C12orf56: variants seen among roughly 807,000 people sequenced by gnomAD.
The protein encoded by C12orf56 is uncharacterized protein C12orf56.
In C12orf56, 71 loss-of-function variants were observed where a neutral mutation model predicts 69.9. That is an observed-to-expected ratio of 1.02 (90% CI 0.84 to 1.24). The LOEUF is 1.24. C12orf56 is among the 50% of genes most tolerant of loss of function. C12orf56 has a pLI of 0.00. For synonymous variants in C12orf56, 276 were observed against 274.1 expected (o/e 1.01, Z -0.07); for missense variants, 732 against 738.5 (o/e 0.99, Z 0.10).
intron 11 of C12orf56, among the ~76,000 whole-genome samples, chr12:64,272,645 C>T (rs1310464670): frequency 6.6e-6 from 1 of 151,156 alleles, no homozygotes; most frequent in African/African-American, 2.4e-5. Context: ...CAGATTTCCA[C>T]ACATCAGTCC....
intron 3 of C12orf56, among the ~76,000 whole-genome samples, chr12:64,322,484 ATACT>A (rs2038785849): frequency 6.6e-6 from 1 of 152,028 alleles, no homozygotes; most frequent in Non-Finnish European, 1.5e-5. Flanking sequence ...AAAGGGGTTC[ATACT>A]TACTTCTTAG....
chr12:64,321,261 T>A (rs1565755203), intron 3 of C12orf56, among the ~76,000 whole-genome samples: 1 of 152,214 alleles, frequency 6.6e-6, no homozygotes, highest in Non-Finnish European at 1.5e-5. Flanking sequence ...TTTATTTCAA[T>A]AATTTTGAGG....
intron 1 of C12orf56, among the ~76,000 whole-genome samples, chr12:64,366,317 TTTA>T (rs1269123208): frequency 6.1e-5 from 5 of 81,620 alleles, no homozygotes; most frequent in Non-Finnish European, 8.7e-5. Flanking sequence ...TTATATACAG[TTTA>T]TTATATATTA....
chr12:64,365,695 A>G (rs1170063170), intron 1 of C12orf56, among the ~76,000 whole-genome samples: 1 of 145,474 alleles, frequency 6.9e-6, no homozygotes, highest in Admixed American at 7.2e-5. Flanking sequence ...ATATTCTATT[A>G]TATAATACAA....
chr12:64,384,073 C>T (rs1042761062), intron 1 of C12orf56, among the ~76,000 whole-genome samples: 4 of 152,196 alleles, frequency 2.6e-5, no homozygotes, highest in African/African-American at 4.8e-5. Context: ...ATGATCTCAA[C>T]TGATCTTCAT....
chr12:64,390,643 C>CCG lies in C12orf56; in HGVS notation c.-80_-79dup. The CCG allele has an allele frequency of 3.6e-6, 5 of 1,379,524 alleles. No individual in the cohort carries two copies. Among genetic ancestry groups the CCG allele is most frequent in the Non-Finnish European group, 4.7e-6 (5 of 1,074,934 alleles). 85.5% of individuals were successfully genotyped at this position (1,379,524 alleles called of 1,614,324 possible). On this transcript the variant is annotated 5_prime_UTR_variant, in exon 1 of 13. Transcript: ENST00000543942. ...CCTCTCCCCGCCCCCGCGCTGGAAC[C>CCG]CGCGCGCCACAAAGCCGCCGGCCAC...
intron 1 of C12orf56, among the ~76,000 whole-genome samples, chr12:64,353,708 GTC>G (rs776703358): frequency 2.0e-4 from 31 of 152,214 alleles, no homozygotes; most frequent in Admixed American, 4.6e-4. Flanking sequence ...TTGAGATGGA[GTC>G]TCTCTCTGTC....
intron 6 of C12orf56, among the ~76,000 whole-genome samples, chr12:64,293,957 T>TAG (rs1289933276): frequency 1.3e-5 from 2 of 152,200 alleles, no homozygotes; most frequent in Admixed American, 6.5e-5. Flanking sequence ...GTTACATGAA[T>TAG]AGAGACATTT....
At chr12:64,298,991 G>A (rs926708235) in intron 6 of C12orf56, among the ~76,000 whole-genome samples, 4 of 152,214 alleles carry the variant, frequency 2.6e-5, no homozygotes, top group East Asian at 1.9e-4. Context: ...CCATTTTCAC[G>A]ATATTGATTC....
intron 1 of C12orf56, among the ~76,000 whole-genome samples, chr12:64,355,077 CAAAAAAAAAAAAAAA>C (rs59799966): frequency 1.1e-5 from 1 of 87,672 alleles, no homozygotes; most frequent in Admixed American, 1.4e-4. Context: ...GACTCCGTCT[CAAAAAAAAAAAAAAA>C]AAAAAAAAAA....
At chr12:64,371,889 C>T (rs1310792389) in intron 1 of C12orf56, among the ~76,000 whole-genome samples, 1 of 148,372 alleles carries the variant, frequency 6.7e-6, no homozygotes, top group Non-Finnish European at 1.5e-5. Context: ...TGATATTGGT[C>T]TTGGCAATGA....
chr12:64,315,324 A>G (rs1349263003), intron 4 of C12orf56, among the ~76,000 whole-genome samples: 5 of 141,814 alleles, frequency 3.5e-5, no homozygotes, highest in Admixed American at 7.1e-5. Flanking sequence ...TTTTTTTTTT[A>G]AAGCAGCCTT....
intron 6 of C12orf56, among the ~76,000 whole-genome samples, chr12:64,297,762 C>A (rs2038386276): frequency 6.6e-6 from 1 of 152,216 alleles, no homozygotes; most frequent in South Asian, 2.1e-4. Flanking sequence ...ATATGTGCCA[C>A]ATTTTCTTAA....
At chr12:64,346,539 A>C (rs1313438839) in intron 2 of C12orf56, among the ~76,000 whole-genome samples, 2 of 152,110 alleles carry the variant, frequency 1.3e-5, no homozygotes, top group Non-Finnish European at 2.9e-5. Context: ...CCCATTTAAA[A>C]ATTTTTATGG....
At chr12:64,281,204 C>T (rs996325556) in intron 8 of C12orf56, among the ~76,000 whole-genome samples, 7 of 151,844 alleles carry the variant, frequency 4.6e-5, no homozygotes, top group African/African-American at 7.3e-5. Flanking sequence ...ACCCAGGGGG[C>T]GGAGATTACA....
At chr12:64,330,835 A>G (rs1469527637) in intron 3 of C12orf56, 125 bp downstream of exon 3, 7 of 676,108 alleles carry the variant, frequency 1.0e-5, no homozygotes, top group Admixed American at 1.0e-4. Flanking sequence ...TCCTTATTGC[A>G]TATGTAAGAT....
Position 64,266,450 on chromosome 12 carries a change from A to G in C12orf56, c.*733T>C. The G allele has an allele frequency of 3.8e-6, 1 of 260,466 alleles. No individual in the cohort carries two copies. Among genetic ancestry groups the G allele is most frequent in the Non-Finnish European group, 8.2e-6 (1 of 121,794 alleles). The allele number at this position is 260,466 out of a possible 1,614,324, so 16.1% of individuals were successfully genotyped here. ...TGGTTTCTGGTGCAGGAACTGAGAGACCCTTTGGTGTTCTACCTGGAGGCG... is the reference window on the plus strand; with the variant it reads ...TGGTTTCTGGTGCAGGAACTGAGAGGCCCTTTGGTGTTCTACCTGGAGGCG... On this transcript the variant is annotated 3_prime_UTR_variant, in exon 13 of 13. Transcript: ENST00000543942.
rs2037925086 is a variant in C12orf56, at chr12:64,266,930, A to G, written c.*253T>C. The G allele has an allele frequency of 7.4e-6, 3 of 405,540 alleles. No individual in the cohort carries two copies. The highest frequency in any genetic ancestry group is 1.3e-5 in the Non-Finnish European group (3 of 233,198). 25.1% of individuals were successfully genotyped at this position (405,540 alleles called of 1,614,324 possible). The stretch of plus-strand genomic sequence containing the variant: ...GTGGCAAGAGTGAGTTTGAAGAACT[A>G]CTCTAATAAAGAAATGGCTCTTTTG... On this transcript the variant is annotated 3_prime_UTR_variant, in exon 13 of 13. Coordinates refer to ENST00000543942, the MANE Select transcript of C12orf56 (RefSeq NM_001170633.2).
chr12:64,337,692 AC>A (rs1251524241), intron 2 of C12orf56, among the ~76,000 whole-genome samples: 5 of 152,024 alleles, frequency 3.3e-5, no homozygotes, highest in African/African-American at 1.2e-4. Flanking sequence ...ACCCAACTCT[AC>A]TAAAAATACA....
Sources: allele counts gnomAD v4.1 joint callset (sites outside exome capture counted in the v4.1 genomes callset), GRCh38; gene constraint gnomAD v4.1.1; transcripts MANE v1.5; gene names NCBI Gene and HGNC (gene_info 2026-07-23, HGNC 2026-07-21).